HDAC9: variants seen among roughly 807,000 people sequenced by gnomAD.
HDAC9 encodes the protein histone deacetylase 9.
Under a neutral mutation model 139.4 loss-of-function variants are expected in HDAC9, and 41 were observed. The observed-to-expected ratio is 0.29, with a 90% confidence interval of 0.23 to 0.38. The LOEUF (loss-of-function observed/expected upper bound fraction) is 0.38, where lower values mean the gene tolerates loss of function less well. HDAC9 is among the 10% of genes least tolerant of loss of function. HDAC9 has a pLI of 1.00. For synonymous variants in HDAC9, 517 were observed against 476.2 expected (o/e 1.09, Z -1.12); for missense variants, 1,147 against 1,297.0 (o/e 0.88, Z 1.78).
intron 1 of HDAC9, among the ~76,000 whole-genome samples, chr7:18,373,749 G>A (rs1400438643): frequency 1.3e-5 from 2 of 151,966 alleles, no homozygotes; most frequent in South Asian, 2.1e-4. Context: ...TCTAATCATT[G>A]ACATTTTTTA....
chr7:18,710,551 AAAT>A (rs1205310389), intron 12 of HDAC9, among the ~76,000 whole-genome samples: 2 of 152,202 alleles, frequency 1.3e-5, no homozygotes, highest in Admixed American at 6.5e-5. Context: ...CTGGTAAAAA[AAAT>A]TTCACGCATA....
At chr7:18,573,678 A>G (rs1421357182) in intron 2 of HDAC9, among the ~76,000 whole-genome samples, 1 of 152,334 alleles carries the variant, frequency 6.6e-6, no homozygotes, top group East Asian at 1.9e-4. Flanking sequence ...TGGGGCAGGC[A>G]GCTCCAGGCA....
At chr7:18,435,105 C>T (rs922048221) in intron 1 of HDAC9, among the ~76,000 whole-genome samples, 3 of 143,372 alleles carry the variant, frequency 2.1e-5, no homozygotes, top group Non-Finnish European at 3.0e-5. Context: ...TCTTTTGCTG[C>T]GACATGGATG....
chr7:18,415,513 T>C (rs1231866396), intron 1 of HDAC9, among the ~76,000 whole-genome samples: 1 of 152,246 alleles, frequency 6.6e-6, no homozygotes, highest in African/African-American at 2.4e-5. Flanking sequence ...TTCATGTTTT[T>C]ATAAAGAGCA....
chr7:18,141,058 C>G (rs1785864983), intron 1 of HDAC9, among the ~76,000 whole-genome samples: 1 of 152,050 alleles, frequency 6.6e-6, no homozygotes, highest in Admixed American at 6.6e-5. Flanking sequence ...AAGTTGTGTG[C>G]CCTGATTAGC....
chr7:18,752,016 T>C lies in HDAC9; in HGVS notation c.2043+2878T>C, dbSNP rs567779555. Among the ~76,000 whole-genome samples the C allele has an allele frequency of 2.0e-5, 3 of 152,272 alleles. No homozygotes were observed. The South Asian group carries it at 6.2e-4, about 32-fold the overall frequency. ...GTTCCTTGTAGATTTCTTCTAATATTTTTGATTTGACAAATTAAGTATATA... is the reference window on the plus strand; with the variant it reads ...GTTCCTTGTAGATTTCTTCTAATATCTTTGATTTGACAAATTAAGTATATA... On this transcript the variant is annotated intron_variant, in intron 14 of 25. Transcript: ENST00000686413.
At chr7:18,417,312 G>A (rs774451380) in intron 1 of HDAC9, among the ~76,000 whole-genome samples, 2 of 151,770 alleles carry the variant, frequency 1.3e-5, no homozygotes, top group Non-Finnish European at 2.9e-5. Flanking sequence ...TCCACTTAAC[G>A]TTTTAAACAT....
At position 18,387,245 on chromosome 7, in the gene HDAC9, C is replaced by T. The variant is rs117719453; in HGVS notation, c.-42+96730C>T. Among the ~76,000 whole-genome samples, 1,033 of 152,272 alleles carry T rather than the reference C, an allele frequency of 6.8e-3. 1 individual carries two copies. Among genetic ancestry groups the T allele is most frequent in the Middle Eastern group, 0.014 (4 of 294 alleles). On this transcript the variant is annotated intron_variant, in intron 1 of 3. Coordinates refer to the HDAC9 transcript ENST00000413509. ...TACCCTGCCACAGCTTTCTGTCCAT[C>T]ACTATTCTTGTTCTATTTATGTGTA...
intron 2 of HDAC9, among the ~76,000 whole-genome samples, chr7:18,570,948 A>G (rs1212263155): frequency 6.6e-6 from 1 of 152,226 alleles, no homozygotes; most frequent in Non-Finnish European, 1.5e-5. Flanking sequence ...GAATCAGTAC[A>G]TTTAGGGAAG....
chr7:18,290,407 T>C (rs1160254333), upstream of HDAC9: 8 of 452,530 alleles, frequency 1.8e-5, no homozygotes, highest in Non-Finnish European at 3.5e-5. Context: ...CCACTTCCCT[T>C]CCTTGTGGCT....
intron 1 of HDAC9, among the ~76,000 whole-genome samples, chr7:18,094,229 G>A (rs1337264556): frequency 1.3e-5 from 2 of 152,150 alleles, no homozygotes; most frequent in African/African-American, 2.4e-5. Flanking sequence ...AGGAAATTGT[G>A]AGCCAGCCCC....
chr7:18,929,661 G>A lies in HDAC9; in HGVS notation c.2804-6148G>A, dbSNP rs558332637. ...TTTTAAAAAGTATCTGACACGGCTG[G>A]GCATGGTAGCTTACGCCTGTAATTC... On this transcript the variant is annotated intron_variant, in intron 22 of 25. Coordinates refer to ENST00000686413, the MANE Select transcript of HDAC9 (RefSeq NM_178425.4). Among the ~76,000 whole-genome samples the A allele has an allele frequency of 9.2e-5, 14 of 152,136 alleles. No individual in the cohort carries two copies. The South Asian group carries it at 2.7e-3, about 29-fold the overall frequency.
intron 22 of HDAC9, among the ~76,000 whole-genome samples, chr7:18,904,081 A>G (rs1801981095): frequency 6.6e-6 from 1 of 152,148 alleles, no homozygotes; most frequent in Admixed American, 6.6e-5. Flanking sequence ...ACACCCAACA[A>G]TTGGAACAAG....
At position 18,731,200 on chromosome 7, in the gene HDAC9, G is replaced by A. The variant is rs180853747; in HGVS notation, c.1909+3443G>A. 2.7e-3 allele frequency among the ~76,000 whole-genome samples: 408 copies of A among 152,198 alleles called. 8 individuals carry two copies. Among genetic ancestry groups the A allele is most frequent in the Non-Finnish European group, 5.7e-4 (39 of 68,014 alleles). Reference sequence around the variant, plus strand: ...TTCTCAAACCATAGTTGAAACTGTAGAAAGAGAAACTGCAGATGGGGGAGG... The same window carrying A: ...TTCTCAAACCATAGTTGAAACTGTAAAAAGAGAAACTGCAGATGGGGGAGG... On this transcript the variant is annotated intron_variant, in intron 13 of 25. Transcript: ENST00000686413.
chr7:18,731,222 G>A (rs1327474889), intron 13 of HDAC9, among the ~76,000 whole-genome samples: 3 of 152,134 alleles, frequency 2.0e-5, no homozygotes, highest in African/African-American at 4.8e-5. Flanking sequence ...GCAGATGGGG[G>A]AGGGGAGAGG....
chr7:18,332,360 C>CGTGT (rs1800982025), intron 1 of HDAC9, among the ~76,000 whole-genome samples: 2 of 114,060 alleles, frequency 1.8e-5, no homozygotes, highest in African/African-American at 7.1e-5. Context: ...TGCATGCGCA[C>CGTGT]ATGTGTGTGT....
upstream of HDAC9, among the ~76,000 whole-genome samples, chr7:18,288,276 G>A (rs1453245617): frequency 6.6e-6 from 1 of 152,184 alleles, no homozygotes; most frequent in African/African-American, 2.4e-5. Flanking sequence ...GATCTTATGA[G>A]AGAATATTAA....
intron 2 of HDAC9, among the ~76,000 whole-genome samples, chr7:18,271,207 G>A (rs183862991): frequency 1.3e-3 from 201 of 152,280 alleles, no homozygotes; most frequent in African/African-American, 4.6e-3. Context: ...TGTTGCAAGT[G>A]TACAGTGTGA....
At chr7:18,282,358 G>A in intron 2 of HDAC9, among the ~76,000 whole-genome samples, 1 of 152,302 alleles carries the variant, frequency 6.6e-6, no homozygotes, top group East Asian at 1.9e-4. Context: ...AGATTATATA[G>A]TTAGTAAATG....
Sources: gnomAD v4.1 joint callset for allele counts (sites outside exome capture counted in the v4.1 genomes callset) on GRCh38, gnomAD v4.1.1 for gene constraint, MANE v1.5 for transcripts, NCBI Gene and HGNC (gene_info 2026-07-23, HGNC 2026-07-21) for gene names.